Variants in ACOXL observed in about 807,000 individuals in gnomAD.
ACOXL encodes the protein acyl-CoA oxidase like.
ACOXL carries 70 observed loss-of-function variants against 71.9 expected under a neutral mutation model. The ratio of observed to expected loss-of-function variants is 0.97; its 90% CI spans 0.80 to 1.19. The LOEUF (loss-of-function observed/expected upper bound fraction) is 1.19. ACOXL is among the 50% of genes most tolerant of loss of function. The probability of loss-of-function intolerance (pLI) is 0.00; values close to 1 mark genes in which losing one functional copy is unlikely to be tolerated. For missense variants in ACOXL, 703 were observed against 736.3 expected (o/e 0.95, Z 0.52); for synonymous variants, 253 against 281.6 (o/e 0.90, Z 1.02).
intron 17 of ACOXL, chr2:111,098,351 T>A (rs1420497929): frequency 7.2e-5 from 11 of 152,322 alleles, no homozygotes; most frequent in East Asian, 1.9e-4. Context: ...TAATGTTTTT[T>A]AAAAAGTTTA....
At chr2:110,786,583 C>T (rs1683988184) in intron 3 of ACOXL, among the ~76,000 whole-genome samples, 2 of 152,264 alleles carry the variant, frequency 1.3e-5, no homozygotes, top group South Asian at 4.1e-4. Context: ...CCCCACCCTA[C>T]TCTGCCATCT....
At chr2:110,903,792 A>T (rs892092653) in intron 10 of ACOXL, among the ~76,000 whole-genome samples, 11 of 152,240 alleles carry the variant, frequency 7.2e-5, no homozygotes, top group Admixed American at 7.2e-4. Context: ...ACCAGAGTCC[A>T]GGCCTGGACT....
chr2:110,863,116 C>T (rs1694158243), intron 10 of ACOXL, among the ~76,000 whole-genome samples: 1 of 152,058 alleles, frequency 6.6e-6, no homozygotes, highest in Admixed American at 6.6e-5. Flanking sequence ...ATAAAATAAC[C>T]CAAGATGCAG....
rs768738862 is a variant in ACOXL at position 110,805,264 on chromosome 2, T to A, written c.622T>A (p.Phe208Ile). 1.2e-6 allele frequency: 2 copies of A among 1,613,958 alleles called. No individual in the cohort carries two copies. Among genetic ancestry groups the A allele is most frequent in the East Asian group, 4.5e-5 (2 of 44,884 alleles). ...RIPRENLLDK[F>I]GSVAPDGQYH... ...AAACCCCACCTCTCTTTTCCACAGG[T>A]TTGGTTCCGTGGCTCCAGATGGACA... Residue 208 changes from phenylalanine (F) to isoleucine (I), a missense_variant and splice_region_variant, in exon 9 of 18, where the codon TTT becomes ATT. Physicochemically the swap from Phe to Ile is conservative, Grantham distance 21 (BLOSUM62 0). Transcript: ENST00000439055.
chr2:110,852,348 G>C (rs1001471876), intron 10 of ACOXL, among the ~76,000 whole-genome samples: 5 of 148,514 alleles, frequency 3.4e-5, no homozygotes, highest in Admixed American at 6.7e-5. Flanking sequence ...CAGGCTGCGC[G>C]TGGGGGCCCT....
chr2:111,022,123 C>G (rs772549121), intron 14 of ACOXL, among the ~76,000 whole-genome samples: 1 of 152,110 alleles, frequency 6.6e-6, no homozygotes, highest in African/African-American at 2.4e-5. Flanking sequence ...GAGGCCGACG[C>G]GAGCAGATCA....
At chr2:110,948,508 A>G (rs17041625) in intron 12 of ACOXL, among the ~76,000 whole-genome samples, 18,555 of 151,928 alleles carry the variant, frequency 0.12, 1,300 homozygotes, top group Middle Eastern at 0.17. Flanking sequence ...TCTGGGAATC[A>G]CAAAGAGATG....
At position 110,752,732 on chromosome 2, in the gene ACOXL, G is replaced by A. The variant is rs117400392; in HGVS notation, c.-22-15636G>A. Among the ~76,000 whole-genome samples the A allele has an allele frequency of 8.9e-4, 135 of 152,154 alleles. 2 individuals carry two copies. In the East Asian group the frequency reaches 0.023, roughly 26 times the overall value. ...CTTGTCATGTCCGTCAATTTTGTGTGTGTGCATGACACTACTGTGTGTATT... is the reference window on the plus strand; with the variant it reads ...CTTGTCATGTCCGTCAATTTTGTGTATGTGCATGACACTACTGTGTGTATT... On this transcript the variant is annotated intron_variant, in intron 1 of 17. Transcript: ENST00000439055.
intron 1 of ACOXL, among the ~76,000 whole-genome samples, chr2:110,749,866 C>G (rs901991509): frequency 2.0e-5 from 3 of 152,200 alleles, no homozygotes; most frequent in Admixed American, 2.0e-4. Context: ...TCAGGGTCCC[C>G]TGGTCTGTGA....
intron 2 of ACOXL, among the ~76,000 whole-genome samples, chr2:110,770,353 C>G (rs1681739679): frequency 6.6e-6 from 1 of 152,318 alleles, no homozygotes; most frequent in South Asian, 2.1e-4. Flanking sequence ...TCCCACCAAC[C>G]TTTGGTAGGT....
intron 1 of ACOXL, among the ~76,000 whole-genome samples, chr2:110,736,518 T>C (rs1676861759): frequency 6.6e-6 from 1 of 152,228 alleles, no homozygotes; most frequent in Non-Finnish European, 1.5e-5. Flanking sequence ...CTCAGTATAA[T>C]GTCCTGGAGG....
At chr2:110,889,961 A>C (rs12476386) in intron 10 of ACOXL, among the ~76,000 whole-genome samples, 50,401 of 152,056 alleles carry the variant, frequency 0.33, 8,512 homozygotes, top group Middle Eastern at 0.39. Context: ...TCCACATACT[A>C]GCCATACTTG....
chr2:110,767,714 A>G (rs760722825), intron 1 of ACOXL, among the ~76,000 whole-genome samples: 5 of 152,246 alleles, frequency 3.3e-5, no homozygotes, highest in Middle Eastern at 3.4e-3. Flanking sequence ...CCTTGCCCCT[A>G]TCTCCCAAAT....
chr2:110,946,657 A>G (rs980115878), intron 12 of ACOXL, among the ~76,000 whole-genome samples: 3 of 152,124 alleles, frequency 2.0e-5, no homozygotes, highest in Admixed American at 2.0e-4. Context: ...TTTGGCTCTA[A>G]CTTGTAATTT....
intron 11 of ACOXL, among the ~76,000 whole-genome samples, chr2:110,915,753 G>T (rs2059837105): frequency 6.6e-6 from 1 of 151,888 alleles, no homozygotes; most frequent in South Asian, 2.1e-4. Flanking sequence ...TATATTACTA[G>T]AGTTAATTGG....
intron 17 of ACOXL, among the ~76,000 whole-genome samples, chr2:111,108,021 G>A (rs1204504724): frequency 6.6e-6 from 1 of 152,134 alleles, no homozygotes; most frequent in Non-Finnish European, 1.5e-5. Context: ...TTGCTGGCTT[G>A]AGAACCATTC....
At chr2:110,958,049 CAAAAAAAAAAA>C (rs35899146) in intron 12 of ACOXL, among the ~76,000 whole-genome samples, 1 of 96,144 alleles carries the variant, frequency 1.0e-5, no homozygotes, top group East Asian at 2.6e-4. Flanking sequence ...GACTCCGTCT[CAAAAAAAAAAA>C]AAAAAAAAGG....
intron 16 of ACOXL, among the ~76,000 whole-genome samples, chr2:111,085,739 TGAA>T (rs1231075060): frequency 6.6e-6 from 1 of 151,584 alleles, no homozygotes; most frequent in Admixed American, 6.6e-5. Context: ...AAAGCAGAAC[TGAA>T]GGAGATTGAG....
intron 1 of ACOXL, among the ~76,000 whole-genome samples, chr2:110,754,457 C>T (rs188898387): frequency 3.3e-5 from 5 of 152,138 alleles, no homozygotes; most frequent in Non-Finnish European, 5.9e-5. Flanking sequence ...AAGAAACTCC[C>T]CTTTGTTTTC....
Sources: gnomAD v4.1 joint callset for allele counts (sites outside exome capture counted in the v4.1 genomes callset) on GRCh38, gnomAD v4.1.1 for gene constraint, MANE v1.5 for transcripts, NCBI Gene and HGNC (gene_info 2026-07-23, HGNC 2026-07-21) for gene names.